KCNIP4: variants seen among roughly 807,000 people sequenced by gnomAD.
KCNIP4 encodes potassium voltage-gated channel interacting protein 4.
Under a neutral mutation model 34.0 loss-of-function variants are expected in KCNIP4, and 12 were observed. That is an observed-to-expected ratio of 0.35 (90% confidence interval 0.23 to 0.57). The LOEUF (loss-of-function observed/expected upper bound fraction) is 0.57, where lower values mean the gene tolerates loss of function less well. Among genes scored for constraint, KCNIP4 ranks in the 20% least tolerant of loss-of-function variants. The pLI is 0.83. For synonymous variants in KCNIP4, 124 were observed against 102.2 expected, an observed-to-expected ratio of 1.21 and a Z score of -1.29; for missense variants, 238 against 311.7, an observed-to-expected ratio of 0.76 and a Z score of 1.78.
intron 1 of KCNIP4, among the ~76,000 whole-genome samples, chr4:21,400,534 T>TCTTC (rs1217203149): frequency 1.2e-5 from 1 of 80,278 alleles, no homozygotes; most frequent in African/African-American, 6.6e-5. Context: ...TCTTCTCTTC[T>TCTTC]CTTCTCTTCT....
chr4:21,332,508 T>A (rs1362032148), intron 1 of KCNIP4, among the ~76,000 whole-genome samples: 1 of 151,942 alleles, frequency 6.6e-6, no homozygotes, highest in Non-Finnish European at 1.5e-5. Flanking sequence ...CAATTCTACC[T>A]TCAAACCTCC....
chr4:20,970,204 G>A (rs1056231522), intron 1 of KCNIP4, among the ~76,000 whole-genome samples: 14 of 152,200 alleles, frequency 9.2e-5, no homozygotes, highest in Admixed American at 3.3e-4. Context: ...GCCTCCCAAA[G>A]TGCTGGGATT....
At position 21,837,082 on chromosome 4, in the gene KCNIP4, T is replaced by C. The variant is rs1723373174; in HGVS notation, c.61+111489A>G. On this transcript the variant is annotated intron_variant, in intron 1 of 8. Coordinates refer to ENST00000382152, the MANE Select transcript of KCNIP4 (RefSeq NM_025221.6). ...ACAGGGGCCCGCCACCACGCCTGGC[T>C]AATTTTTTGTATTTTTAGTAGAGAT... Among the ~76,000 whole-genome samples the C allele has an allele frequency of 2.0e-5, 3 of 150,994 alleles. No individual in the cohort carries two copies. The South Asian group carries it at 6.3e-4, about 32-fold the overall frequency.
chr4:21,852,329 C>T (rs1259851960), intron 1 of KCNIP4: 2 of 152,110 alleles, frequency 1.3e-5, no homozygotes, highest in Admixed American at 1.3e-4. Flanking sequence ...ATGGCCCCTG[C>T]CTTCCATGAG....
chr4:21,228,578 C>T (rs1758568172), intron 1 of KCNIP4, among the ~76,000 whole-genome samples: 1 of 152,202 alleles, frequency 6.6e-6, no homozygotes, highest in Non-Finnish European at 1.5e-5. Context: ...CACATGAGTA[C>T]ACAGTTCATC....
chr4:21,601,754 A>AT (rs1743180498), intron 1 of KCNIP4, among the ~76,000 whole-genome samples: 1 of 152,028 alleles, frequency 6.6e-6, no homozygotes, highest in African/African-American at 2.4e-5. Flanking sequence ...TGATCCTCAC[A>AT]TGAGCCAAGC....
At chr4:20,823,287 T>C (rs897997580) in intron 3 of KCNIP4, among the ~76,000 whole-genome samples, 60 of 152,114 alleles carry the variant, frequency 3.9e-4, no homozygotes, top group Non-Finnish European at 1.3e-4. Context: ...GGCCAAATCC[T>C]GAAGGTCCTT....
chr4:21,324,233 C>A (rs779680090), intron 1 of KCNIP4, among the ~76,000 whole-genome samples: 12 of 151,836 alleles, frequency 7.9e-5, no homozygotes, highest in Non-Finnish European at 1.2e-4. Flanking sequence ...CTTTGCTGTG[C>A]AGAAATATTT....
chr4:21,074,454 G>T (rs1745286483), intron 1 of KCNIP4, among the ~76,000 whole-genome samples: 1 of 152,174 alleles, frequency 6.6e-6, no homozygotes, highest in Admixed American at 6.5e-5. Flanking sequence ...TCTGATGGTA[G>T]TTTGTATTTC....
intron 1 of KCNIP4, among the ~76,000 whole-genome samples, chr4:21,436,526 C>T (rs1317721887): frequency 6.6e-6 from 1 of 152,202 alleles, no homozygotes; most frequent in Non-Finnish European, 1.5e-5. Context: ...TACACATTCC[C>T]TTCTCGCCAC....
intron 3 of KCNIP4, among the ~76,000 whole-genome samples, chr4:20,843,491 A>T (rs1399343676): frequency 8.5e-5 from 13 of 152,098 alleles, no homozygotes; most frequent in Admixed American, 8.5e-4. Flanking sequence ...GCACTTTGGG[A>T]GGTGGAGGCA....
At chr4:21,459,020 G>A (rs1729215739) in intron 1 of KCNIP4, among the ~76,000 whole-genome samples, 1 of 151,950 alleles carries the variant, frequency 6.6e-6, no homozygotes, top group Admixed American at 6.6e-5. Flanking sequence ...CGTTATCACT[G>A]TTTTTAATCA....
At chr4:20,883,937 C>T (rs551217042) in intron 1 of KCNIP4, among the ~76,000 whole-genome samples, 1 of 152,254 alleles carries the variant, frequency 6.6e-6, no homozygotes, top group Non-Finnish European at 1.5e-5. Context: ...ATGATCTGGC[C>T]CTGTCTGAGT....
intron 1 of KCNIP4, among the ~76,000 whole-genome samples, chr4:21,360,757 G>A (rs534457499): frequency 3.3e-5 from 5 of 151,934 alleles, no homozygotes; most frequent in East Asian, 1.9e-4. Context: ...TCATAAAAAC[G>A]TAGGTGAAAC....
intron 1 of KCNIP4, among the ~76,000 whole-genome samples, chr4:21,226,354 A>AGAAGGAAGGAAGAAAGGAAG (rs1758399736): frequency 7.4e-6 from 1 of 135,834 alleles, no homozygotes; most frequent in African/African-American, 3.1e-5. Flanking sequence ...GAGAAGGAAG[A>AGAAGGAAGGAAGAAAGGAAG]GAAGGAAGGA....
At chr4:20,730,439 T>G (rs779766620) in intron 8 of KCNIP4, among the ~76,000 whole-genome samples, 19 of 151,874 alleles carry the variant, frequency 1.3e-4, no homozygotes, top group Non-Finnish European at 2.4e-4. Flanking sequence ...ACTACAGAGG[T>G]GCAGAGGTGT....
intron 1 of KCNIP4, among the ~76,000 whole-genome samples, chr4:21,740,963 T>A (rs534918759): frequency 9.9e-5 from 15 of 152,262 alleles, no homozygotes; most frequent in African/African-American, 3.4e-4. Flanking sequence ...GTTGAAAATA[T>A]GTTGGTGTTA....
intron 1 of KCNIP4, among the ~76,000 whole-genome samples, chr4:21,347,953 C>G (rs566927968): frequency 6.6e-6 from 1 of 152,172 alleles, no homozygotes; most frequent in South Asian, 2.1e-4. Flanking sequence ...ACAGCAATAA[C>G]AAGTTCTCAG....
At chr4:21,701,029 A>C in intron 1 of KCNIP4, among the ~76,000 whole-genome samples, 1 of 152,322 alleles carries the variant, frequency 6.6e-6, no homozygotes, top group African/African-American at 2.4e-5. Context: ...ATGAATGAAT[A>C]AAAAAATGTG....
Sources: gnomAD v4.1 joint callset for allele counts (sites outside exome capture counted in the v4.1 genomes callset) on GRCh38, gnomAD v4.1.1 for gene constraint, MANE v1.5 for transcripts, NCBI Gene and HGNC (gene_info 2026-07-23, HGNC 2026-07-21) for gene names.